CLSTN2: variants seen among roughly 807,000 people sequenced by gnomAD.
CLSTN2 encodes calsyntenin-2.
CLSTN2 carries 48 observed loss-of-function variants against 101.2 expected under a neutral mutation model. The ratio of observed to expected loss-of-function variants is 0.47; its 90% CI spans 0.38 to 0.60. The LOEUF is 0.60. Ranked by LOEUF, CLSTN2 falls within the 20% of genes least tolerant of loss-of-function variation. The pLI, the probability that CLSTN2 is intolerant of heterozygous loss-of-function variation, is 0.00. For synonymous variants in CLSTN2, 481 were observed against 463.6 expected, an observed-to-expected ratio of 1.04 and a Z score of -0.48; for missense variants, 1,160 against 1,238.2, an observed-to-expected ratio of 0.94 and a Z score of 0.95.
intron 1 of CLSTN2, among the ~76,000 whole-genome samples, chr3:140,153,241 G>A (rs2009895988): frequency 6.6e-6 from 1 of 152,228 alleles, no homozygotes. Flanking sequence ...ATGTAGGAGT[G>A]GAGGAACAAG....
chr3:140,522,488 C>G (rs926574457), intron 8 of CLSTN2, among the ~76,000 whole-genome samples: 1 of 152,198 alleles, frequency 6.6e-6, no homozygotes, highest in Admixed American at 6.5e-5. Flanking sequence ...CAAATATGTC[C>G]TTTGGAGCAG....
At chr3:139,966,407 C>G (rs1935598890) in intron 1 of CLSTN2, among the ~76,000 whole-genome samples, 1 of 152,158 alleles carries the variant, frequency 6.6e-6, no homozygotes, top group Admixed American at 6.5e-5. Flanking sequence ...CTGTACTTCC[C>G]CTATTATGCC....
At chr3:140,158,359 C>T (rs904420767) in intron 1 of CLSTN2, among the ~76,000 whole-genome samples, 2 of 152,120 alleles carry the variant, frequency 1.3e-5, no homozygotes, top group Non-Finnish European at 2.9e-5. Flanking sequence ...TTCCATGATA[C>T]AAAATCTCTG....
Position 140,302,844 on chromosome 3 carries a change from G to A in CLSTN2, c.233-100785G>A, listed in dbSNP as rs76217602. ...GTGGCTTGTAGGAAGGGATGATGTG[G>A]GCCCAGTGTGGAGTCAGGTGGGCTC... On this transcript the variant is annotated intron_variant, in intron 2 of 16. Coordinates refer to ENST00000458420, the MANE Select transcript of CLSTN2 (RefSeq NM_022131.3). 4.1e-3 allele frequency among the ~76,000 whole-genome samples: 623 copies of A among 152,234 alleles called. 3 individuals are homozygous for A. Among genetic ancestry groups the A allele is most frequent in the African/African-American group, 0.014 (589 of 41,530 alleles).
intron 8 of CLSTN2, among the ~76,000 whole-genome samples, chr3:140,498,669 T>C (rs1379253383): frequency 1.3e-5 from 2 of 152,264 alleles, no homozygotes; most frequent in Non-Finnish European, 2.9e-5. Context: ...TCACTCTCTT[T>C]AATGAAAGTT....
At chr3:140,503,025 A>G (rs1448516831) in intron 8 of CLSTN2, among the ~76,000 whole-genome samples, 1 of 152,180 alleles carries the variant, frequency 6.6e-6, no homozygotes, top group African/African-American at 2.4e-5. Flanking sequence ...TTTACAGTTT[A>G]CAACACGCCA....
At chr3:140,541,961 C>A (rs921336742) in intron 9 of CLSTN2, among the ~76,000 whole-genome samples, 3 of 152,112 alleles carry the variant, frequency 2.0e-5, no homozygotes, top group African/African-American at 7.2e-5. Flanking sequence ...CGACAATGAG[C>A]TAGAAGCCAG....
intron 1 of CLSTN2, among the ~76,000 whole-genome samples, chr3:140,125,725 C>T (rs2009418601): frequency 6.6e-6 from 1 of 152,052 alleles, no homozygotes; most frequent in Non-Finnish European, 1.5e-5. Flanking sequence ...GCCTCATTGT[C>T]ACTGTTTACG....
At position 140,116,571 on chromosome 3, in the gene CLSTN2, C is replaced by A. The variant is rs568419701; in HGVS notation, c.110-59380C>A. Among the ~76,000 whole-genome samples, 5 of 152,270 alleles carry A rather than the reference C, an allele frequency of 3.3e-5. No individual in the cohort carries two copies. The South Asian group carries it at 1.0e-3, about 32-fold the overall frequency. On this transcript the variant is annotated intron_variant, in intron 1 of 16. Coordinates refer to ENST00000458420, the MANE Select transcript of CLSTN2 (RefSeq NM_022131.3). ...GTGCAAAATTTAAGGAAGCACTCACCTGCAGGGCCGATCCTGTACTTTTGT... is the reference window on the plus strand; with the variant it reads ...GTGCAAAATTTAAGGAAGCACTCACATGCAGGGCCGATCCTGTACTTTTGT...
chr3:140,172,130 G>A (rs1320532764), intron 1 of CLSTN2, among the ~76,000 whole-genome samples: 1 of 148,718 alleles, frequency 6.7e-6, no homozygotes, highest in East Asian at 2.0e-4. Context: ...GTGAAGTTTG[G>A]CATCGGAACA....
chr3:140,117,529 C>T (rs2009265688), intron 1 of CLSTN2, among the ~76,000 whole-genome samples: 1 of 152,094 alleles, frequency 6.6e-6, no homozygotes, highest in East Asian at 1.9e-4. Context: ...GACTGCTAGC[C>T]CTCATGGAAG....
intron 1 of CLSTN2, among the ~76,000 whole-genome samples, chr3:140,013,220 C>T (rs892166634): frequency 6.6e-6 from 1 of 152,220 alleles, no homozygotes; most frequent in African/African-American, 2.4e-5. Context: ...AGGAATTAAT[C>T]CCAGAAACAT....
chr3:140,398,122 A>G (rs1469782919), intron 2 of CLSTN2, among the ~76,000 whole-genome samples: 2 of 152,164 alleles, frequency 1.3e-5, no homozygotes, highest in Non-Finnish European at 2.9e-5. Context: ...TCATCTGTCA[A>G]TCATTCTTTC....
At chr3:140,194,755 T>A (rs866406061) in intron 2 of CLSTN2, among the ~76,000 whole-genome samples, 5 of 152,196 alleles carry the variant, frequency 3.3e-5, no homozygotes, top group Admixed American at 6.5e-5. Context: ...AGTGGGGGTA[T>A]CACCTCATTA....
intron 1 of CLSTN2, among the ~76,000 whole-genome samples, chr3:140,032,850 A>G (rs1345417011): frequency 1.3e-5 from 2 of 152,232 alleles, no homozygotes; most frequent in African/African-American, 4.8e-5. Context: ...TGAGGATAAC[A>G]AAATGCTCCT....
chr3:140,278,372 C>G (rs2086814214), intron 2 of CLSTN2, among the ~76,000 whole-genome samples: 1 of 152,010 alleles, frequency 6.6e-6, no homozygotes, highest in South Asian at 2.1e-4. Context: ...GCGAGCGGGT[C>G]CCCACTACTC....
chr3:140,331,805 T>G (rs2087386057), intron 2 of CLSTN2, among the ~76,000 whole-genome samples: 1 of 152,222 alleles, frequency 6.6e-6, no homozygotes, highest in Non-Finnish European at 1.5e-5. Context: ...TACTCATTCT[T>G]CTTCCTGTAA....
intron 1 of CLSTN2, among the ~76,000 whole-genome samples, chr3:139,994,881 T>A (rs1057394586): frequency 6.6e-6 from 1 of 152,192 alleles, no homozygotes; most frequent in Non-Finnish European, 1.5e-5. Context: ...AGAAAGATGG[T>A]CCCTTCCTTC....
Position 140,448,608 on chromosome 3 carries a change from T to A in CLSTN2, c.877T>A (p.Ser293Thr), listed in dbSNP as rs1196619692. ...IHLETCDGAV[S>T]SLQIVTELQT... ...CCTGGAGACGTGCGATGGAGCCGTG[T>A]CTTCCCTCCAGATCGTCACAGAGCT... The change falls in exon 6 of 17, where the codon TCT becomes ACT. Residue 293 changes from serine to threonine, a missense_variant. By Grantham distance (58) the Ser-to-Thr change is moderately conservative. Transcript: ENST00000458420. The A allele has an allele frequency of 2.5e-6, 4 of 1,614,166 alleles. No individual in the cohort carries two copies. The South Asian group carries it at 3.3e-5, about 13-fold the overall frequency.
Sources: allele counts gnomAD v4.1 joint callset (sites outside exome capture counted in the v4.1 genomes callset), GRCh38; gene constraint gnomAD v4.1.1; transcripts MANE v1.5; gene names NCBI Gene and HGNC (gene_info 2026-07-23, HGNC 2026-07-21).